Variants in FBRSL1 observed in about 807,000 individuals in gnomAD.
FBRSL1 encodes the protein fibrosin like 1.
FBRSL1 carries 51 observed loss-of-function variants against 89.6 expected under a neutral mutation model. The observed-to-expected ratio is 0.57, with a 90% CI of 0.45 to 0.72. The LOEUF (loss-of-function observed/expected upper bound fraction) is 0.72, where lower values mean the gene tolerates loss of function less well. Among genes scored for constraint, FBRSL1 ranks in the 30% least tolerant of loss-of-function variants. The pLI, the probability that FBRSL1 is intolerant of heterozygous loss-of-function variation, is 0.00. For missense variants in FBRSL1, 1,618 were observed against 1,451.8 expected (o/e 1.11, Z -1.86); for synonymous variants, 779 against 681.1 (o/e 1.14, Z -2.24).
intron 2 of FBRSL1, among the ~76,000 whole-genome samples, chr12:132,508,959 A>G (rs1453249936): frequency 6.6e-6 from 1 of 152,152 alleles, no homozygotes; most frequent in African/African-American, 2.4e-5. Context: ...GGTGCAGCTC[A>G]GCCTGCAGCT....
chr12:132,497,121 G>C (rs1272784108), intron 1 of FBRSL1, among the ~76,000 whole-genome samples: 1 of 152,236 alleles, frequency 6.6e-6, no homozygotes, highest in Admixed American at 6.5e-5. Flanking sequence ...ATTTTGGTTG[G>C]GAACTTTTCA....
chr12:132,509,761 C>A, intron 2 of FBRSL1: 3 of 1,231,364 alleles, frequency 2.4e-6, no homozygotes, highest in Non-Finnish European at 3.0e-6. Context: ...TGTGGCCAGC[C>A]CGGTAGGGCA....
chr12:132,508,834 C>G (rs938314710), intron 2 of FBRSL1, among the ~76,000 whole-genome samples: 3 of 152,224 alleles, frequency 2.0e-5, no homozygotes, highest in African/African-American at 7.2e-5. Context: ...GGTCAGTGGT[C>G]AGGTGCGTGG....
At chr12:132,517,689 C>T (rs934738056) in intron 2 of FBRSL1, among the ~76,000 whole-genome samples, 8 of 152,142 alleles carry the variant, frequency 5.3e-5, no homozygotes, top group Non-Finnish European at 1.2e-4. Flanking sequence ...GTGGCGTGTG[C>T]CTGAGGAGCC....
chr12:132,582,948 CGG>C (rs2040883338), intron 18 of FBRSL1, 21 bp from the exon 19 acceptor site: 3 of 1,379,794 alleles, frequency 2.2e-6, no homozygotes, highest in African/African-American at 1.5e-5. Flanking sequence ...TCGGGAGTGA[CGG>C]GTCCGCCCTG....
intron 4 of FBRSL1, among the ~76,000 whole-genome samples, chr12:132,536,998 G>T (rs1327445796): frequency 2.0e-5 from 3 of 152,168 alleles, no homozygotes; most frequent in African/African-American, 7.2e-5. Flanking sequence ...GGCACTCGGG[G>T]GTCTTCAGGC....
In FBRSL1 at chr12:132,583,655, G is replaced by T; in HGVS notation, c.2886G>T (p.Ala962=). ...GCGCACCGCCCCCCCTGGTGACGGC[G>T]GCCGGGCCCCCCACGCCCCCCGGGC... The part of the protein sequence containing the change: ...ALGAPPPLVT[A]AGPPTPPGPP... Residue 962 remains alanine, a synonymous_variant, in exon 19 of 19, where the codon GCG becomes GCT. Transcript: ENST00000680143. 9.5e-7 allele frequency: 1 copy of T among 1,048,712 alleles called. No individual in the cohort carries two copies. The highest frequency in any genetic ancestry group is 1.1e-6 in the Non-Finnish European group (1 of 870,086). The allele number at this position is 1,048,712 out of a possible 1,614,324, so 65.0% of individuals were successfully genotyped here.
chr12:132,579,567 C>T (rs2040609299), intron 15 of FBRSL1, among the ~76,000 whole-genome samples: 1 of 152,222 alleles, frequency 6.6e-6, no homozygotes, highest in East Asian at 1.9e-4. Context: ...AATTCCTTTA[C>T]CTTTTCTGTG....
chr12:132,534,711 G>C (rs1378437572), intron 4 of FBRSL1, among the ~76,000 whole-genome samples: 2 of 152,262 alleles, frequency 1.3e-5, no homozygotes, highest in East Asian at 3.8e-4. Context: ...GTTCAGGGTG[G>C]CTTTGCTGAC....
rs2032626147 is a variant in FBRSL1, at chr12:132,499,563, T to C, written c.292-8590T>C. Among the ~76,000 whole-genome samples the C allele has an allele frequency of 6.6e-6, 1 of 152,134 alleles. No individual in the cohort carries two copies. Among genetic ancestry groups the C allele is most frequent in the African/African-American group, 2.4e-5 (1 of 41,416 alleles). On this transcript the variant is annotated intron_variant, in intron 1 of 18. Transcript: ENST00000680143. The surrounding 1 kb of genome is among the most constrained non-coding windows in gnomAD (Gnocchi z 4.3). ...GAGTCACAGAGGAGGCCACGAGGGC[T>C]TCTGGGGAAGAGTGCAGGCTGTGAG...
intron 4 of FBRSL1, among the ~76,000 whole-genome samples, chr12:132,545,356 T>C (rs1444958757): frequency 6.6e-6 from 1 of 152,248 alleles, no homozygotes; most frequent in South Asian, 2.1e-4. Flanking sequence ...CCCTGATTAA[T>C]TGCCTCATTC....
chr12:132,580,797 A>C (rs1413209026), intron 15 of FBRSL1: 45 of 985,424 alleles, frequency 4.6e-5, no homozygotes, highest in Non-Finnish European at 5.2e-5. Flanking sequence ...CTTTACCAGA[A>C]ACCTGCTCTC....
chr12:132,533,915 A>AGGGTGTCTGAGTAGGGGCAAGCCT (rs2036506627), intron 4 of FBRSL1, among the ~76,000 whole-genome samples: 1 of 152,188 alleles, frequency 6.6e-6, no homozygotes, highest in East Asian at 1.9e-4. Flanking sequence ...GGGGCAGGCC[A>AGGGTGTCTGAGTAGGGGCAAGCCT]GGGTGTCTGA....
chr12:132,557,985 G>C (rs1318888003), intron 5 of FBRSL1, among the ~76,000 whole-genome samples: 1 of 152,142 alleles, frequency 6.6e-6, no homozygotes, highest in African/African-American at 2.4e-5. Flanking sequence ...CACGCAGGAA[G>C]GGGCTGAGCT....
chr12:132,565,064 C>G (rs565206160), intron 5 of FBRSL1: 1 of 152,236 alleles, frequency 6.6e-6, no homozygotes, highest in South Asian at 2.1e-4. Flanking sequence ...AAGCACAGAA[C>G]CCCCATCTCC....
intron 2 of FBRSL1, among the ~76,000 whole-genome samples, chr12:132,514,432 G>A (rs1285606606): frequency 1.3e-5 from 2 of 152,224 alleles, no homozygotes; most frequent in Admixed American, 6.5e-5. Flanking sequence ...GAGCTGGACT[G>A]GCATTGACCA....
rs1448864229 is a variant in FBRSL1, at chr12:132,555,439, CTG to C, written c.645+7408_645+7409del. On this transcript the variant is annotated intron_variant, in intron 5 of 18. Transcript: ENST00000680143. ...AGCGTGAGCATGGCCTCCACGGTAGCTGCGCCACCGGAGCGTGAGCGTGGCCT... is the reference window on the plus strand; with the variant it reads ...AGCGTGAGCATGGCCTCCACGGTAGCCGCCACCGGAGCGTGAGCGTGGCCT... Among the ~76,000 whole-genome samples the C allele has an allele frequency of 8.1e-4, 115 of 141,334 alleles. 26 individuals are homozygous for C. Among genetic ancestry groups the C allele is most frequent in the Middle Eastern group, 3.6e-3 (1 of 276 alleles). The allele number at this position is 141,334 out of a possible 152,430, so 92.7% of individuals were successfully genotyped here. A position where few individuals can be genotyped will look rare whatever the true frequency, so the allele number is the denominator to read the frequency against.
rs965346395 is a variant in FBRSL1, at chr12:132,571,499, C to T, written c.1377+268C>T. ...GCCCCCTTCCCCGCAGGGCTGCCCC[C>T]GACGCCGCCCGCCGCACCCCCGCCG... On this transcript the variant is annotated intron_variant, in intron 9 of 18. Transcript: ENST00000680143. 29 of 1,524,414 alleles carry T rather than the reference C, an allele frequency of 1.9e-5. No individual in the cohort carries two copies. The highest frequency in any genetic ancestry group is 9.7e-5 in the African/African-American group (7 of 72,048). The allele number at this position is 1,524,414 out of a possible 1,614,324, so 94.4% of individuals were successfully genotyped here.
At chr12:132,530,074 C>T (rs976062344) in intron 4 of FBRSL1, among the ~76,000 whole-genome samples, 3 of 151,726 alleles carry the variant, frequency 2.0e-5, no homozygotes, top group Admixed American at 6.6e-5. Context: ...GACACTCCTC[C>T]GCCCTTCCCA....
Sources: gnomAD v4.1 joint callset for allele counts (sites outside exome capture counted in the v4.1 genomes callset) on GRCh38, gnomAD v4.1.1 for gene constraint, Gnocchi (gnomAD v3.1) non-coding constraint, MANE v1.5 for transcripts, NCBI Gene and HGNC (gene_info 2026-07-23, HGNC 2026-07-21) for gene names.